Variants in RBFOX1 observed in about 807,000 individuals in gnomAD.
The protein encoded by RBFOX1 is RNA binding fox-1 homolog 1.
In RBFOX1, 8 loss-of-function variants were observed where a neutral mutation model predicts 57.7. That is an observed-to-expected ratio of 0.14 (90% CI 0.08 to 0.25). RBFOX1 has a LOEUF of 0.25. Ranked by LOEUF, RBFOX1 falls within the 10% of genes least tolerant of loss-of-function variation. The pLI, the probability that RBFOX1 is intolerant of heterozygous loss-of-function variation, is 1.00. For synonymous variants in RBFOX1, 326 were observed against 222.4 expected (o/e 1.47, Z -4.15); for missense variants, 611 against 548.5 (o/e 1.11, Z -1.14).
At chr16:6,970,235 CA>C (rs977366631) in intron 3 of RBFOX1, among the ~76,000 whole-genome samples, 70 of 150,308 alleles carry the variant, frequency 4.7e-4, no homozygotes, top group African/African-American at 1.5e-3. Flanking sequence ...CATGAAAAAC[CA>C]AAAAAAAAGT....
chr16:5,606,357 C>T (rs1387478212), intron 3 of RBFOX1, among the ~76,000 whole-genome samples: 1 of 152,058 alleles, frequency 6.6e-6, no homozygotes, highest in Non-Finnish European at 1.5e-5. Flanking sequence ...CCTAACCATT[C>T]ATCCATAGTC....
intron 3 of RBFOX1, among the ~76,000 whole-genome samples, chr16:6,899,608 C>G (rs61666724): frequency 0.014 from 2,205 of 152,274 alleles, 25 homozygotes; most frequent in Non-Finnish European, 0.02. Context: ...AGAATGCTGT[C>G]AGCCTTAGTT....
chr16:7,520,607 T>C (rs1033259139), intron 5 of RBFOX1, among the ~76,000 whole-genome samples: 1 of 152,232 alleles, frequency 6.6e-6, no homozygotes, highest in African/African-American at 2.4e-5. Flanking sequence ...TGTCTCCACA[T>C]TCTGGTTCTT....
At chr16:7,642,567 T>C (rs2063017989) in intron 11 of RBFOX1, among the ~76,000 whole-genome samples, 1 of 152,192 alleles carries the variant, frequency 6.6e-6, no homozygotes, top group African/African-American at 2.4e-5. Context: ...GTTTCCTACC[T>C]GGAGAGGCAA....
chr16:6,894,736 G>C (rs1158460904), intron 3 of RBFOX1, among the ~76,000 whole-genome samples: 1 of 152,182 alleles, frequency 6.6e-6, no homozygotes, highest in African/African-American at 2.4e-5. Flanking sequence ...GTTACCAACA[G>C]ATTGTATCAG....
intron 4 of RBFOX1, among the ~76,000 whole-genome samples, chr16:7,070,272 A>C (rs937304657): frequency 2.0e-5 from 3 of 152,188 alleles, no homozygotes; most frequent in African/African-American, 7.2e-5. Flanking sequence ...ACTCATTTAT[A>C]CTTGCCTCAG....
At chr16:5,288,288 G>T (rs564708859) in intron 1 of RBFOX1, among the ~76,000 whole-genome samples, 1 of 152,184 alleles carries the variant, frequency 6.6e-6, no homozygotes, top group Admixed American at 6.5e-5. Flanking sequence ...CACAAAGAAG[G>T]CCGGCTGTTA....
intron 3 of RBFOX1, among the ~76,000 whole-genome samples, chr16:5,843,288 C>G (rs2056672935): frequency 1.3e-5 from 2 of 152,230 alleles, no homozygotes; most frequent in Non-Finnish European, 2.9e-5. Context: ...TCTAACTCCT[C>G]CTACCCTTCA....
chr16:6,950,994 C>G (rs1006669523), intron 3 of RBFOX1, among the ~76,000 whole-genome samples: 10 of 152,090 alleles, frequency 6.6e-5, no homozygotes, highest in African/African-American at 2.4e-4. Flanking sequence ...CAGCCTCAAA[C>G]TTCTAGGCTC....
Position 6,370,351 on chromosome 16 carries a change from C to G in RBFOX1, c.-64+53294C>G, listed in dbSNP as rs189857010. Among the ~76,000 whole-genome samples the G allele has an allele frequency of 5.1e-3, 580 of 112,856 alleles. 14 individuals carry two copies. The Admixed American group carries it at 0.062, about 12-fold the overall frequency. 74.0% of individuals were successfully genotyped at this position (112,856 alleles called of 152,430 possible). A position where few individuals can be genotyped will look rare whatever the true frequency, so the allele number is the denominator to read the frequency against. The stretch of plus-strand genomic sequence containing the variant: ...CTAGCCTGGGCGACAGATAGAGACT[C>G]CGTCTCAAAAGAAAAAAAAAAAAAA... On this transcript the variant is annotated intron_variant, in intron 2 of 15. Coordinates refer to ENST00000550418, the MANE Select transcript of RBFOX1 (RefSeq NM_018723.4).
intron 2 of RBFOX1, among the ~76,000 whole-genome samples, chr16:5,588,273 C>T (rs2046898281): frequency 6.6e-6 from 1 of 152,016 alleles, no homozygotes; most frequent in Admixed American, 6.6e-5. Flanking sequence ...TGTAAAAATG[C>T]AACGATGGTC....
At chr16:6,872,672 C>T (rs2061146362) in intron 3 of RBFOX1, among the ~76,000 whole-genome samples, 2 of 152,316 alleles carry the variant, frequency 1.3e-5, no homozygotes, top group South Asian at 2.1e-4. Context: ...GACACTGTCA[C>T]TGCTAGCAAA....
chr16:6,723,381 AAAAGATAAAGACTT>A (rs2066439472), intron 3 of RBFOX1, among the ~76,000 whole-genome samples: 2 of 152,230 alleles, frequency 1.3e-5, no homozygotes, highest in African/African-American at 4.8e-5. Flanking sequence ...CTGTGGATTA[AAAAGATAAAGACTT>A]AAAGATACCA....
chr16:6,020,229 C>T, intron 1 of RBFOX1, among the ~76,000 whole-genome samples: 1 of 152,018 alleles, frequency 6.6e-6, no homozygotes, highest in East Asian at 2.0e-4. Flanking sequence ...AGAAGCACGT[C>T]CTTCCTTGCC....
At chr16:6,184,652 C>G (rs988769131) in intron 1 of RBFOX1, among the ~76,000 whole-genome samples, 30 of 152,128 alleles carry the variant, frequency 2.0e-4, no homozygotes, top group African/African-American at 7.2e-4. Flanking sequence ...CTCCGCCTCC[C>G]GGGTTCAAGC....
At chr16:7,022,844 G>C (rs2039711081) in intron 3 of RBFOX1, among the ~76,000 whole-genome samples, 1 of 152,182 alleles carries the variant, frequency 6.6e-6, no homozygotes, top group Admixed American at 6.5e-5. Context: ...CTGAGGGGCA[G>C]AGAATTTGAA....
At chr16:6,772,946 C>A (rs564324180) in intron 3 of RBFOX1, among the ~76,000 whole-genome samples, 2 of 78,808 alleles carry the variant, frequency 2.5e-5, no homozygotes, top group African/African-American at 1.1e-4. Context: ...GTGTGTGTAT[C>A]TATATATTTG....
intron 4 of RBFOX1, among the ~76,000 whole-genome samples, chr16:7,246,952 T>C (rs1451608425): frequency 1.3e-5 from 2 of 152,112 alleles, no homozygotes; most frequent in African/African-American, 4.8e-5. Flanking sequence ...GAGAACAGTG[T>C]CTCCCACATT....
rs2084239167 is a variant in RBFOX1, at chr16:7,713,110, A to G, written c.*2365A>G. 6.6e-6 allele frequency: 1 copy of G among 152,200 alleles called. No individual in the cohort carries two copies. Among genetic ancestry groups the G allele is most frequent in the Non-Finnish European group, 1.5e-5 (1 of 68,030 alleles). The allele number at this position is 152,200 out of a possible 1,614,324, so 9.4% of individuals were successfully genotyped here. A position where few individuals can be genotyped will look rare whatever the true frequency, so the allele number is the denominator to read the frequency against. On this transcript the variant is annotated 3_prime_UTR_variant, in exon 16 of 16. Coordinates refer to ENST00000550418, the MANE Select transcript of RBFOX1 (RefSeq NM_018723.4). ...TTTGGATTTTTTTTAAACAGTATTT[A>G]TTTGGAATGTTTTCATTTATCTAAA... is the stretch of plus-strand genomic sequence containing the variant.
Sources: allele counts gnomAD v4.1 joint callset (sites outside exome capture counted in the v4.1 genomes callset), GRCh38; gene constraint gnomAD v4.1.1; transcripts MANE v1.5; gene names NCBI Gene and HGNC (gene_info 2026-07-23, HGNC 2026-07-21).